Variants in NDUFA12 observed in about 807,000 individuals in gnomAD.
NDUFA12 encodes the protein NADH dehydrogenase [ubiquinone] 1 alpha subcomplex subunit 12.
NDUFA12 carries 17 observed loss-of-function variants against 20.3 expected under a neutral mutation model. The ratio of observed to expected loss-of-function variants is 0.84; its 90% CI spans 0.57 to 1.26. NDUFA12 has a LOEUF of 1.26. Ranked by LOEUF, NDUFA12 falls within the 50% of genes most tolerant of loss-of-function variation. The pLI is 0.00. For synonymous variants in NDUFA12, 72 were observed against 63.6 expected, an observed-to-expected ratio of 1.13 and a Z score of -0.63; for missense variants, 191 against 183.7, an observed-to-expected ratio of 1.04 and a Z score of -0.23.
chr12:94,985,824 C>T (rs1042533994), intron 3 of NDUFA12, among the ~76,000 whole-genome samples: 1 of 152,022 alleles, frequency 6.6e-6, no homozygotes, highest in Admixed American at 6.6e-5. Flanking sequence ...GTGGCTCACA[C>T]CTGTAATCCC....
intron 2 of NDUFA12, among the ~76,000 whole-genome samples, chr12:94,996,156 C>T (rs1489882615): frequency 6.6e-6 from 1 of 151,018 alleles, no homozygotes; most frequent in Non-Finnish European, 1.5e-5. Flanking sequence ...TGCAGTGAGC[C>T]GAGATCACAC....
intron 3 of NDUFA12, 22 bp from the exon 4 acceptor site, chr12:94,971,642 A>C (rs1297806690): frequency 6.2e-7 from 1 of 1,613,898 alleles, no homozygotes; most frequent in East Asian, 2.2e-5. Context: ...GAAAAAACCC[A>C]AACAGTTATG....
At chr12:94,988,312 T>C (rs547302725) in intron 3 of NDUFA12, among the ~76,000 whole-genome samples, 132 of 152,348 alleles carry the variant, frequency 8.7e-4, no homozygotes, top group Non-Finnish European at 1.5e-3. Context: ...ATTGTGGTTA[T>C]GTAGGACAAT....
intron 1 of NDUFA12, 82 bp from the exon 2 acceptor site, chr12:95,002,903 C>T (rs929157150): frequency 8.4e-7 from 1 of 1,185,180 alleles, no homozygotes; most frequent in Non-Finnish European, 1.3e-6. Flanking sequence ...AGAGTAACAA[C>T]TTTCAGACAC....
chr12:94,998,975 AAAAAC>A (rs751166283), intron 2 of NDUFA12, among the ~76,000 whole-genome samples: 116 of 152,336 alleles, frequency 7.6e-4, no homozygotes, highest in Non-Finnish European at 1.3e-3. Flanking sequence ...CAGAACTAGA[AAAAAC>A]AATTCTAAAA....
intron 3 of NDUFA12, chr12:94,972,570 A>C (rs1873925004): frequency 2.5e-6 from 1 of 398,416 alleles, no homozygotes; most frequent in South Asian, 1.7e-5. Context: ...TTATATTAAA[A>C]AATTAAATCA....
chr12:94,994,308 T>G lies in NDUFA12; in HGVS notation c.170-51A>C. The G allele has an allele frequency of 3.0e-6, 4 of 1,348,370 alleles. No individual in the cohort carries two copies. In the South Asian group the frequency reaches 4.8e-5, roughly 16 times the overall value. The allele number at this position is 1,348,370 out of a possible 1,614,324, so 83.5% of individuals were successfully genotyped here. On this transcript the variant is annotated intron_variant, in intron 2 of 3. Coordinates refer to ENST00000327772, the MANE Select transcript of NDUFA12 (RefSeq NM_018838.5). ...AAGAAAAACTTTTTTTTTTAAAGCA[T>G]AGATGCATAATATCAAAGAAGACAA...
rs74956555 is a variant in NDUFA12 at position 94,971,468 on chromosome 12, C to T, written c.410G>A (p.Trp137Ter). Residue 137 changes from tryptophan to a stop codon, truncating the protein, a stop_gained, in exon 4 of 4, where the codon TGG (tryptophan) becomes TAG (stop). Transcript: ENST00000327772. LOFTEE classifies it high-confidence loss of function. The part of the protein sequence containing the change: ...YSTTRKKIQE[W>*]IPPSTPYK ...CTTGTAAGGTGTTGAAGGTGGGATC[C>T]ACTCCTGAATCTTCTTTCTAGTGGT... 1.2e-6 allele frequency: 2 copies of T among 1,614,128 alleles called. No individual in the cohort carries two copies. Among genetic ancestry groups the T allele is most frequent in the African/African-American group, 2.7e-5 (2 of 75,032 alleles).
chr12:95,002,782 G>C lies in NDUFA12; in HGVS notation c.126C>G (p.Asp42Glu). ...CTTCATAGTATTTGTTTCCATATTT[G>C]TCTTCCCCCACTAATGTACCAACCT... is the stretch of plus-strand genomic sequence containing the variant. ...DAKVGTLVGE[D>E]KYGNKYYEDN... is the part of the protein sequence containing the mutation. Residue 42 changes from aspartate to glutamate, a missense_variant, in exon 2 of 4, where the codon GAC (aspartate) becomes GAG (glutamate). Coordinates refer to ENST00000327772, the MANE Select transcript of NDUFA12 (RefSeq NM_018838.5). 6.2e-7 allele frequency: 1 copy of C among 1,613,960 alleles called. No individual in the cohort carries two copies. The highest frequency in any genetic ancestry group is 8.5e-7 in the Non-Finnish European group (1 of 1,179,970).
In NDUFA12 at chr12:94,994,277, T is replaced by C; in HGVS notation, c.170-20A>G. Reference sequence around the variant, plus strand: ...GACGGCCTGGGTGGGAAGATGAACATTTAAAAAGAAAAACTTTTTTTTTTA... The same window carrying C: ...GACGGCCTGGGTGGGAAGATGAACACTTAAAAAGAAAAACTTTTTTTTTTA... On this transcript the variant is annotated intron_variant, in intron 2 of 3. Transcript: ENST00000327772. 6.2e-7 allele frequency: 1 copy of C among 1,607,530 alleles called. No homozygotes were observed. The highest frequency in any genetic ancestry group is 8.5e-7 in the Non-Finnish European group (1 of 1,175,200).
At chr12:95,000,206 T>A (rs1487109984) in intron 2 of NDUFA12, among the ~76,000 whole-genome samples, 1 of 152,200 alleles carries the variant, frequency 6.6e-6, no homozygotes, top group African/African-American at 2.4e-5. Context: ...GCCATTATTC[T>A]AAGTGAAGTA....
intron 2 of NDUFA12, among the ~76,000 whole-genome samples, chr12:95,002,180 G>A (rs1381949965): frequency 6.6e-6 from 1 of 150,786 alleles, no homozygotes; most frequent in East Asian, 2.0e-4. Context: ...AGTGGCTCAC[G>A]CCTGTAATCC....
At chr12:94,991,255 CAG>C (rs1874632554) in intron 3 of NDUFA12, among the ~76,000 whole-genome samples, 2 of 152,036 alleles carry the variant, frequency 1.3e-5, no homozygotes, top group African/African-American at 4.8e-5. Flanking sequence ...GCCTGGGCAA[CAG>C]AGTGTCCCCG....
chr12:94,986,695 G>A (rs1874455886), intron 3 of NDUFA12, among the ~76,000 whole-genome samples: 1 of 152,108 alleles, frequency 6.6e-6, no homozygotes, highest in African/African-American at 2.4e-5. Context: ...GGGAGGCTGA[G>A]GCAGGAGGAT....
At chr12:95,003,499 G>A in intron 1 of NDUFA12, 96 bp downstream of exon 1, 2 of 1,303,958 alleles carry the variant, frequency 1.5e-6, no homozygotes, top group Admixed American at 1.7e-5. Flanking sequence ...AAGAGCTGTG[G>A]ATTCTCCAAG....
rs1875093842 is a variant in NDUFA12, at chr12:95,002,634, C to A, written c.169+105G>T. 3.6e-6 allele frequency: 3 copies of A among 835,634 alleles called. No individual in the cohort carries two copies. The Admixed American group carries it at 6.0e-5, about 17-fold the overall frequency. The allele number at this position is 835,634 out of a possible 1,614,324, so 51.8% of individuals were successfully genotyped here. A position where few individuals can be genotyped will look rare whatever the true frequency, so the allele number is the denominator to read the frequency against. On this transcript the variant is annotated intron_variant, in intron 2 of 3. Transcript: ENST00000327772. Reference sequence around the variant, plus strand: ...TTCATTTTCTATTGAGTTTTTCATCCTTTTCCAGGTGTTTTGTAAAAGCTC... The same window carrying A: ...TTCATTTTCTATTGAGTTTTTCATCATTTTCCAGGTGTTTTGTAAAAGCTC...
intron 3 of NDUFA12, among the ~76,000 whole-genome samples, chr12:94,982,214 G>A (rs1186392603): frequency 2.6e-5 from 4 of 152,082 alleles, no homozygotes; most frequent in African/African-American, 4.8e-5. Flanking sequence ...GGGAGTCTGT[G>A]CAGTTGTTCA....
chr12:95,001,950 G>A (rs531985910), intron 2 of NDUFA12, among the ~76,000 whole-genome samples: 18 of 151,948 alleles, frequency 1.2e-4, no homozygotes, highest in Non-Finnish European at 2.4e-4. Context: ...TGATCCGCCC[G>A]CCTCCGCCTC....
chr12:94,972,419 C>T, intron 3 of NDUFA12: 1 of 449,580 alleles, frequency 2.2e-6, no homozygotes, highest in Non-Finnish European at 4.5e-6. Context: ...GTGCTAGAGG[C>T]CGATTCTGGA....
Sources: gnomAD v4.1 joint callset for allele counts (sites outside exome capture counted in the v4.1 genomes callset) on GRCh38, gnomAD v4.1.1 for gene constraint, MANE v1.5 for transcripts, NCBI Gene and HGNC (gene_info 2026-07-23, HGNC 2026-07-21) for gene names.